The following RAB11FIP4 variants were observed in gnomAD, a reference collection of about 807,000 sequenced individuals.
The protein encoded by RAB11FIP4 is rab11 family-interacting protein 4.
RAB11FIP4 carries 23 observed loss-of-function variants against 74.3 expected under a neutral mutation model. That is an observed-to-expected ratio of 0.31 (90% CI 0.22 to 0.44). RAB11FIP4 has a LOEUF of 0.44. Among genes scored for constraint, RAB11FIP4 ranks in the 20% least tolerant of loss-of-function variants. RAB11FIP4 has a pLI of 1.00. For synonymous variants in RAB11FIP4, 360 were observed against 359.9 expected, an observed-to-expected ratio of 1.00 and a Z score of 0.00; for missense variants, 630 against 863.9, an observed-to-expected ratio of 0.73 and a Z score of 3.39.
chr17:31,487,650 TGCGCAGTGTGAGCCGGGGA>T (rs2071920673), intron 3 of RAB11FIP4, among the ~76,000 whole-genome samples: 1 of 151,428 alleles, frequency 6.6e-6, no homozygotes, highest in Non-Finnish European at 1.5e-5. Flanking sequence ...TGGGGCGGGG[TGCGCAGTGTGAGCCGGGGA>T]GCGCCGGCCG....
At chr17:31,414,381 G>C (rs1349597040) in intron 1 of RAB11FIP4, among the ~76,000 whole-genome samples, 1 of 152,266 alleles carries the variant, frequency 6.6e-6, no homozygotes, top group Non-Finnish European at 1.5e-5. Flanking sequence ...TGGCTGAAGA[G>C]CTGTGGAAAC....
chr17:31,453,493 C>T (rs1426481072), intron 3 of RAB11FIP4, among the ~76,000 whole-genome samples: 1 of 151,902 alleles, frequency 6.6e-6, no homozygotes, highest in East Asian at 1.9e-4. Context: ...CTCCCTGAGC[C>T]TCACTTTCTT....
At position 31,505,517 on chromosome 17, in the gene RAB11FIP4, T is replaced by TATA. The variant is rs2072312669; in HGVS notation, c.337-12134_337-12133insATA. 7.9e-5 allele frequency among the ~76,000 whole-genome samples: 6 copies of TATA among 75,874 alleles called. No individual in the cohort carries two copies. In the Admixed American group the frequency reaches 1.1e-3, roughly 14 times the overall value. The allele number at this position is 75,874 out of a possible 152,430, so 49.8% of individuals were successfully genotyped here. On this transcript the variant is annotated intron_variant, in intron 3 of 14. Coordinates refer to ENST00000621161, the MANE Select transcript of RAB11FIP4 (RefSeq NM_032932.6). ...ATAATTATTATATTATATATAATAA[T>TATA]TATATATTATATATAATTATTATAT...
chr17:31,519,929 A>G (rs1159160749), intron 4 of RAB11FIP4, among the ~76,000 whole-genome samples: 1 of 151,860 alleles, frequency 6.6e-6, no homozygotes, highest in African/African-American at 2.4e-5. Context: ...CCTGGCCAAC[A>G]TGGCAAAAAC....
At chr17:31,488,340 G>A in intron 3 of RAB11FIP4, 2 of 1,029,668 alleles carry the variant, frequency 1.9e-6, no homozygotes, top group East Asian at 7.3e-5. Context: ...GGCCCGGCCC[G>A]CGGCCCCGGG....
At chr17:31,510,228 G>A (rs757814196) in intron 3 of RAB11FIP4, among the ~76,000 whole-genome samples, 1 of 152,214 alleles carries the variant, frequency 6.6e-6, no homozygotes, top group Non-Finnish European at 1.5e-5. Flanking sequence ...GAAGGACCCC[G>A]TGAGACCTTG....
At chr17:31,481,861 C>A (rs2071852996) in intron 3 of RAB11FIP4, among the ~76,000 whole-genome samples, 1 of 152,138 alleles carries the variant, frequency 6.6e-6, no homozygotes, top group Non-Finnish European at 1.5e-5. Context: ...TCAACCTGGG[C>A]TCCAGAGTCA....
At chr17:31,523,152 G>C (rs1311578908) in intron 7 of RAB11FIP4, 1 of 328,708 alleles carries the variant, frequency 3.0e-6, no homozygotes, top group Admixed American at 3.8e-5. Context: ...CATGGAGCTG[G>C]GCTACCTCCT....
rs112073076 is a variant in RAB11FIP4 at position 31,535,835 on chromosome 17, A to C, written c.*4103A>C. On this transcript the variant is annotated 3_prime_UTR_variant, in exon 15 of 15. Transcript: ENST00000621161. ...ACTGACAGGTGGGGCTGTCCCCCTG[A>C]AAGCAGCCGCAGAAACAGCTGCCAC... is the stretch of plus-strand genomic sequence containing the variant. The C allele has an allele frequency of 9.8e-4, 149 of 152,422 alleles. No homozygotes were observed. The highest frequency in any genetic ancestry group is 3.5e-3 in the African/African-American group (147 of 41,584). 9.4% of individuals were successfully genotyped at this position (152,422 alleles called of 1,614,324 possible).
chr17:31,446,186 C>T (rs753660382), intron 3 of RAB11FIP4, among the ~76,000 whole-genome samples: 6 of 151,732 alleles, frequency 4.0e-5, no homozygotes, highest in Non-Finnish European at 7.4e-5. Context: ...AATGGTGTGG[C>T]GAGGAGGGGG....
At chr17:31,507,938 A>G (rs1432726761) in intron 3 of RAB11FIP4, among the ~76,000 whole-genome samples, 3 of 152,024 alleles carry the variant, frequency 2.0e-5, no homozygotes, top group Admixed American at 1.3e-4. Flanking sequence ...GTGATTCTCT[A>G]TCCTCAGCCT....
chr17:31,429,546 G>C lies in RAB11FIP4; in HGVS notation c.160-2267G>C, dbSNP rs538713526. ...ATCCTCCGTAAAAATTGGTCTCCTG[G>C]CTGGGCGTGGTGGATCACGCCTGTA... is the stretch of plus-strand genomic sequence containing the variant. On this transcript the variant is annotated intron_variant, in intron 1 of 14. Coordinates refer to ENST00000621161, the MANE Select transcript of RAB11FIP4 (RefSeq NM_032932.6). 8.5e-5 allele frequency among the ~76,000 whole-genome samples: 13 copies of C among 152,336 alleles called. No homozygotes were observed. In the South Asian group the frequency reaches 1.9e-3, roughly 22 times the overall value.
rs1212948996 is a variant in RAB11FIP4 at position 31,533,531 on chromosome 17, G to A, written c.*1799G>A. 1 of 152,382 alleles carries A rather than the reference G, an allele frequency of 6.6e-6. No individual in the cohort carries two copies. Among genetic ancestry groups the A allele is most frequent in the Non-Finnish European group, 1.5e-5 (1 of 68,152 alleles). 9.4% of individuals were successfully genotyped at this position (152,382 alleles called of 1,614,324 possible). On this transcript the variant is annotated 3_prime_UTR_variant, in exon 15 of 15. Coordinates refer to ENST00000621161, the MANE Select transcript of RAB11FIP4 (RefSeq NM_032932.6). ...TTTGCCAATAGGAAGGAGTGGCCAC[G>A]GCTGAAAGGAACAAGACAGATCCTG...
chr17:31,418,921 A>G (rs75915038), intron 1 of RAB11FIP4, among the ~76,000 whole-genome samples: 41 of 152,138 alleles, frequency 2.7e-4, no homozygotes, highest in African/African-American at 9.9e-4. Flanking sequence ...TCATCCCCCA[A>G]ATTCTCTCCG....
At chr17:31,489,717 G>T (rs947799543) in intron 3 of RAB11FIP4, among the ~76,000 whole-genome samples, 5 of 152,188 alleles carry the variant, frequency 3.3e-5, no homozygotes, top group African/African-American at 1.2e-4. Context: ...TGAGGTCCCT[G>T]TCACTTCACA....
At chr17:31,524,147 C>T (rs1159839267) in intron 9 of RAB11FIP4, 151 bp downstream of exon 9, 10 of 635,676 alleles carry the variant, frequency 1.6e-5, no homozygotes, top group African/African-American at 7.3e-5. Flanking sequence ...TGGCCCTGCC[C>T]ACATGTGGTG....
chr17:31,433,979 G>A lies in RAB11FIP4; in HGVS notation c.248-55G>A, dbSNP rs563824238. 3.8e-4 allele frequency: 563 copies of A among 1,499,708 alleles called. 5 individuals are homozygous for A. In the South Asian group the frequency reaches 4.0e-3, roughly 11 times the overall value. The allele number at this position is 1,499,708 out of a possible 1,614,324, so 92.9% of individuals were successfully genotyped here. A position where few individuals can be genotyped will look rare whatever the true frequency, so the allele number is the denominator to read the frequency against. Reference sequence around the variant, plus strand: ...CCCATTAGTCAGAAGCAGAGCAGCCGTCCCAGGCTGAGGCTCAACCCCTCA... The same window carrying A: ...CCCATTAGTCAGAAGCAGAGCAGCCATCCCAGGCTGAGGCTCAACCCCTCA... On this transcript the variant is annotated intron_variant, in intron 2 of 14. Transcript: ENST00000621161.
intron 3 of RAB11FIP4, among the ~76,000 whole-genome samples, chr17:31,446,460 C>T (rs1284083659): frequency 6.6e-6 from 1 of 152,078 alleles, no homozygotes; most frequent in Non-Finnish European, 1.5e-5. Context: ...ACGCCATGGG[C>T]CATTGAACGT....
In RAB11FIP4 at chr17:31,517,196, G is replaced by C. The variant is rs1334413880; in HGVS notation, c.337-455G>C. ...TGGGGGGCGAGGAGGCGGTGCGGGGGGGGGGGCGGTGGGGGGGGCGGGGGG... is the reference window on the plus strand; with the variant it reads ...TGGGGGGCGAGGAGGCGGTGCGGGGCGGGGGGCGGTGGGGGGGGCGGGGGG... On this transcript the variant is annotated intron_variant, in intron 3 of 14. Coordinates refer to ENST00000621161, the MANE Select transcript of RAB11FIP4 (RefSeq NM_032932.6). Among the ~76,000 whole-genome samples, 47 of 132,446 alleles carry C rather than the reference G, an allele frequency of 3.5e-4. 2 individuals carry two copies. Among genetic ancestry groups the C allele is most frequent in the Non-Finnish European group, 2.7e-4 (16 of 60,110 alleles). The allele number at this position is 132,446 out of a possible 152,430, so 86.9% of individuals were successfully genotyped here.
Sources: gnomAD v4.1 joint callset for allele counts (sites outside exome capture counted in the v4.1 genomes callset) on GRCh38, gnomAD v4.1.1 for gene constraint, MANE v1.5 for transcripts, NCBI Gene and HGNC (gene_info 2026-07-23, HGNC 2026-07-21) for gene names.